The following HACD3 variants were observed in gnomAD, a reference collection of about 807,000 sequenced individuals.
HACD3 encodes 3-hydroxyacyl-CoA dehydratase 3.
Under a neutral mutation model 55.2 loss-of-function variants are expected in HACD3, and 30 were observed. That is an observed-to-expected ratio of 0.54 (90% CI 0.41 to 0.74). The LOEUF (loss-of-function observed/expected upper bound fraction) is 0.74, where lower values mean the gene tolerates loss of function less well. Ranked by LOEUF, HACD3 falls within the 30% of genes least tolerant of loss-of-function variation. HACD3 has a pLI of 0.00. For synonymous variants in HACD3, 141 were observed against 151.7 expected, an observed-to-expected ratio of 0.93 and a Z score of 0.52; for missense variants, 363 against 440.1, an observed-to-expected ratio of 0.82 and a Z score of 1.57.
At chr15:65,566,961 C>T (rs567458215) in intron 7 of HACD3, 4 of 152,232 alleles carry the variant, frequency 2.6e-5, no homozygotes, top group East Asian at 3.9e-4. Flanking sequence ...GTGGTCTCCT[C>T]CCACCTTGTG....
chr15:65,539,066 T>TTG (rs2071992467), intron 1 of HACD3, among the ~76,000 whole-genome samples: 1 of 152,202 alleles, frequency 6.6e-6, no homozygotes, highest in African/African-American at 2.4e-5. Flanking sequence ...ATTAGCTTTA[T>TTG]TGTGGTGGTC....
At chr15:65,547,415 A>G (rs919725345) in intron 1 of HACD3, among the ~76,000 whole-genome samples, 4 of 152,114 alleles carry the variant, frequency 2.6e-5, no homozygotes, top group Non-Finnish European at 4.4e-5. Context: ...GCGCCCGGCC[A>G]AGTACCCATG....
At chr15:65,567,320 T>TA (rs1319152021) in intron 7 of HACD3, among the ~76,000 whole-genome samples, 3 of 151,582 alleles carry the variant, frequency 2.0e-5, no homozygotes, top group Admixed American at 6.6e-5. Context: ...CCCCTGTCTC[T>TA]AAAAAAAATA....
At chr15:65,539,893 C>T (rs1478634946) in intron 1 of HACD3, among the ~76,000 whole-genome samples, 1 of 152,104 alleles carries the variant, frequency 6.6e-6, no homozygotes, top group East Asian at 1.9e-4. Context: ...CATGTCAAAT[C>T]ATACTGTATA....
intron 1 of HACD3, among the ~76,000 whole-genome samples, chr15:65,544,498 T>C (rs1312717190): frequency 1.3e-5 from 2 of 152,190 alleles, no homozygotes; most frequent in Non-Finnish European, 2.9e-5. Flanking sequence ...AATGCTACCA[T>C]TGGGGGAAAC....
chr15:65,537,968 T>A (rs1343735014), intron 1 of HACD3, among the ~76,000 whole-genome samples: 43 of 2,816 alleles, frequency 0.015, no homozygotes, highest in African/African-American at 0.031. Flanking sequence ...AATATATATA[T>A]ATATATATAT....
intron 7 of HACD3, among the ~76,000 whole-genome samples, chr15:65,568,407 G>A (rs1420786870): frequency 6.6e-6 from 1 of 151,384 alleles, no homozygotes; most frequent in Non-Finnish European, 1.5e-5. Context: ...CACCCAGGCT[G>A]GAGTGCAGTG....
Position 65,570,141 on chromosome 15 carries a change from A to G in HACD3, c.711A>G (p.Glu237=). 6.2e-7 allele frequency: 1 copy of G among 1,613,238 alleles called. No homozygotes were observed. The highest frequency in any genetic ancestry group is 1.3e-5 in the African/African-American group (1 of 75,040). The change falls in exon 8 of 11, where the codon GAA becomes GAG. Residue 237 remains glutamate (E), a synonymous_variant. Transcript: ENST00000261875. The part of the protein sequence containing the change: ...ILFIIFGTME[E]MQNKAVVFFV... ...TTATCATCTTTGGCACCATGGAAGA[A>G]ATGCAGAACAAAGCTGTGGTTTTCT...
chr15:65,570,332 C>G (rs1395336501), intron 8 of HACD3, 129 bp downstream of exon 8: 1 of 661,988 alleles, frequency 1.5e-6, no homozygotes, highest in Non-Finnish European at 2.5e-6. Flanking sequence ...GTGGAGAATT[C>G]TGGTTGCACC....
At chr15:65,556,576 T>G (rs570892640) in intron 3 of HACD3, among the ~76,000 whole-genome samples, 163 bp from the exon 4 acceptor site, 1 of 151,928 alleles carries the variant, frequency 6.6e-6, no homozygotes, top group East Asian at 1.9e-4. Context: ...GGCCCAGGAG[T>G]TGGAGACCCC....
At chr15:65,552,657 T>A (rs1370804766) in intron 2 of HACD3, among the ~76,000 whole-genome samples, 1 of 151,772 alleles carries the variant, frequency 6.6e-6, no homozygotes, top group Non-Finnish European at 1.5e-5. Flanking sequence ...TTTTTGTTTT[T>A]GTTTTTTTTA....
intron 5 of HACD3, among the ~76,000 whole-genome samples, chr15:65,560,826 A>T (rs918137053): frequency 3.3e-5 from 5 of 149,276 alleles, no homozygotes; most frequent in African/African-American, 9.9e-5. Context: ...AAAAGCCCGG[A>T]TTAGATACCA....
chr15:65,537,959 ATATAT>A (rs1489800175), intron 1 of HACD3, among the ~76,000 whole-genome samples: 9 of 4,046 alleles, frequency 2.2e-3, no homozygotes, highest in African/African-American at 6.0e-3. Context: ...AAAAAAAAAA[ATATAT>A]ATATATATAT....
intron 5 of HACD3, among the ~76,000 whole-genome samples, chr15:65,560,711 G>A (rs1228644263): frequency 6.6e-6 from 1 of 151,944 alleles, no homozygotes; most frequent in Non-Finnish European, 1.5e-5. Flanking sequence ...GGTGAGGTGG[G>A]AGGATGGGTT....
At position 65,571,652 on chromosome 15, in the gene HACD3, A is replaced by G; in HGVS notation, c.878A>G (p.Glu293Gly). 6.2e-7 allele frequency: 1 copy of G among 1,610,320 alleles called. No homozygotes were observed. The highest frequency in any genetic ancestry group is 8.5e-7 in the Non-Finnish European group (1 of 1,176,684). Reference sequence around the variant, plus strand: ...TTATATCCACTGGGATGTTTGGCGGAAGGTACTCTCAGGGACTCTTAGCTT... The same window carrying G: ...TTATATCCACTGGGATGTTTGGCGGGAGGTACTCTCAGGGACTCTTAGCTT... ...IPLYPLGCLA[E>G]AVSVIQSIPI... Residue 293 changes from glutamate (E) to glycine (G), a missense_variant and splice_region_variant, in exon 9 of 11, where the codon GAA becomes GGA. Coordinates refer to ENST00000261875, the MANE Select transcript of HACD3 (RefSeq NM_016395.4).
intron 10 of HACD3, among the ~76,000 whole-genome samples, chr15:65,573,568 A>T (rs921538143): frequency 2.6e-4 from 40 of 151,648 alleles, no homozygotes; most frequent in African/African-American, 3.6e-4. Context: ...AGATTGTGCC[A>T]CTGCACTCCA....
intron 1 of HACD3, among the ~76,000 whole-genome samples, chr15:65,546,591 A>T (rs1214408570): frequency 6.6e-6 from 1 of 152,060 alleles, no homozygotes; most frequent in South Asian, 2.1e-4. Flanking sequence ...ATTATATTAT[A>T]CTATTTTTTC....
chr15:65,547,506 T>C (rs1242764521), intron 1 of HACD3, among the ~76,000 whole-genome samples: 1 of 152,232 alleles, frequency 6.6e-6, no homozygotes, highest in East Asian at 1.9e-4. Context: ...AAAGTTGATA[T>C]TCACCATAAA....
rs549491362 is a variant in HACD3, at chr15:65,578,330, T to G, written c.*1951T>G. 1.3e-5 allele frequency: 2 copies of G among 152,324 alleles called. No individual in the cohort carries two copies. The highest frequency in any genetic ancestry group is 6.5e-5 in the Admixed American group (1 of 15,306). The allele number at this position is 152,324 out of a possible 1,614,324, so 9.4% of individuals were successfully genotyped here. A position where few individuals can be genotyped will look rare whatever the true frequency, so the allele number is the denominator to read the frequency against. ...AAAGTGAAAGATTGTGTATTTCTAT[T>G]AAAACATTTACAATCAAAATTCTAA... is the stretch of plus-strand genomic sequence containing the variant. On this transcript the variant is annotated 3_prime_UTR_variant, in exon 11 of 11. Coordinates refer to ENST00000261875, the MANE Select transcript of HACD3 (RefSeq NM_016395.4).
Sources: gnomAD v4.1 joint callset for allele counts (sites outside exome capture counted in the v4.1 genomes callset) on GRCh38, gnomAD v4.1.1 for gene constraint, MANE v1.5 for transcripts, NCBI Gene and HGNC (gene_info 2026-07-23, HGNC 2026-07-21) for gene names.